TASP1: variants seen among roughly 807,000 people sequenced by gnomAD.
The protein encoded by TASP1 is threonine aspartase 1.
Under a neutral mutation model 56.6 loss-of-function variants are expected in TASP1, and 16 were observed. The ratio of observed to expected loss-of-function variants is 0.28; its 90% confidence interval spans 0.19 to 0.43. The LOEUF (loss-of-function observed/expected upper bound fraction) is 0.43, where lower values mean the gene tolerates loss of function less well. Ranked by LOEUF, TASP1 falls within the 20% of genes least tolerant of loss-of-function variation. The probability of loss-of-function intolerance (pLI) is 1.00; values close to 1 mark genes in which losing one functional copy is unlikely to be tolerated. For missense variants in TASP1, 393 were observed against 511.6 expected (o/e 0.77, Z 2.24); for synonymous variants, 179 against 184.2 (o/e 0.97, Z 0.23).
At chr20:13,199,238 T>A in the TASP1 span, among the ~76,000 whole-genome samples, 28 of 152,246 alleles carry the variant, frequency 1.8e-4, no homozygotes, top group African/African-American at 6.5e-4. Flanking sequence ...GTTTTGCCAT[T>A]AATTTTTACC....
At chr20:13,529,447 C>G (rs112134936) in intron 9 of TASP1, among the ~76,000 whole-genome samples, 3,957 of 152,112 alleles carry the variant, frequency 0.026, 72 homozygotes, top group Middle Eastern at 0.051. Context: ...GTGGCATGCT[C>G]AAGAGTTCAT....
At chr20:13,137,615 C>T in the TASP1 span, among the ~76,000 whole-genome samples, 2,833 of 152,200 alleles carry the variant, frequency 0.019, 54 homozygotes, top group South Asian at 0.03. Context: ...CTAAAGATGA[C>T]AATTTGGTTT....
the TASP1 span, among the ~76,000 whole-genome samples, chr20:13,162,149 G>A: frequency 6.6e-6 from 1 of 152,164 alleles, no homozygotes; most frequent in African/African-American, 2.4e-5. Flanking sequence ...AATAGGTTTA[G>A]AAAATACCCT....
chr20:13,489,514 G>C (rs1475085094), intron 10 of TASP1, among the ~76,000 whole-genome samples: 1 of 150,054 alleles, frequency 6.7e-6, no homozygotes, highest in Non-Finnish European at 1.5e-5. Flanking sequence ...CACTGAGTGG[G>C]AAAAATTAAA....
the TASP1 span, among the ~76,000 whole-genome samples, chr20:13,282,514 C>T: frequency 1.2e-4 from 18 of 152,168 alleles, no homozygotes; most frequent in African/African-American, 4.3e-4. Context: ...CTAGAATTTG[C>T]CCTGGGGCAG....
the TASP1 span, among the ~76,000 whole-genome samples, chr20:13,108,483 A>G: frequency 6.6e-6 from 1 of 152,242 alleles, no homozygotes; most frequent in Non-Finnish European, 1.5e-5. Flanking sequence ...ATTTGAGCCT[A>G]GACCAGTGAG....
intron 10 of TASP1, among the ~76,000 whole-genome samples, chr20:13,497,624 C>T (rs1601005279): frequency 6.6e-6 from 1 of 152,056 alleles, no homozygotes; most frequent in African/African-American, 2.4e-5. Flanking sequence ...TTGACACTAC[C>T]ATCAGAATAT....
chr20:13,568,179 G>A (rs181640669), intron 7 of TASP1, among the ~76,000 whole-genome samples: 10 of 151,834 alleles, frequency 6.6e-5, no homozygotes, highest in Admixed American at 1.3e-4. Context: ...ACAAGGTCTC[G>A]CTCTGTCACA....
At chr20:13,240,409 G>C in the TASP1 span, among the ~76,000 whole-genome samples, 1 of 152,162 alleles carries the variant, frequency 6.6e-6, no homozygotes, top group Middle Eastern at 3.2e-3. Flanking sequence ...TCCTGAGCTG[G>C]GGGAATAAAA....
chr20:13,409,921 C>T (rs2042042867), intron 13 of TASP1, among the ~76,000 whole-genome samples: 1 of 152,166 alleles, frequency 6.6e-6, no homozygotes, highest in African/African-American at 2.4e-5. Context: ...AATTAGAACT[C>T]ATACTTTCTA....
the TASP1 span, among the ~76,000 whole-genome samples, chr20:13,117,907 G>A: frequency 6.4e-4 from 98 of 152,244 alleles, no homozygotes; most frequent in Non-Finnish European, 1.1e-3. Flanking sequence ...GCTCTCCCTC[G>A]AATAGTGAAG....
At chr20:13,125,253 G>A in the TASP1 span, among the ~76,000 whole-genome samples, 2 of 152,176 alleles carry the variant, frequency 1.3e-5, 1 homozygote, top group South Asian at 4.1e-4. Context: ...CAGGAGTCAG[G>A]CATACAGGTG....
the TASP1 span, among the ~76,000 whole-genome samples, chr20:13,315,235 A>C: frequency 6.6e-6 from 1 of 152,090 alleles, no homozygotes; most frequent in African/African-American, 2.4e-5. Flanking sequence ...TAAATATACC[A>C]ATTGAAAAAC....
At chr20:13,614,993 G>A (rs76618124) in intron 4 of TASP1, 4,650 of 281,934 alleles carry the variant, frequency 0.016, 200 homozygotes, top group African/African-American at 0.094. Context: ...CAATAATATG[G>A]AAACATCACT....
chr20:13,417,353 A>C lies in TASP1; in HGVS notation c.1170+95T>G. 3 of 1,360,944 alleles carry C rather than the reference A, an allele frequency of 2.2e-6. No individual in the cohort carries two copies. The South Asian group carries it at 3.9e-5, about 18-fold the overall frequency. 84.3% of individuals were successfully genotyped at this position (1,360,944 alleles called of 1,614,324 possible). Reference sequence around the variant, plus strand: ...AAGACCACAAAGCTACTGCCCAAAAAAAGCTGAAAAAATTCATCCACATCA... The same window carrying C: ...AAGACCACAAAGCTACTGCCCAAAACAAGCTGAAAAAATTCATCCACATCA... On this transcript the variant is annotated intron_variant, in intron 13 of 13. Coordinates refer to ENST00000337743, the MANE Select transcript of TASP1 (RefSeq NM_017714.3).
chr20:13,587,779 G>A (rs566597931), intron 4 of TASP1, among the ~76,000 whole-genome samples: 2 of 151,806 alleles, frequency 1.3e-5, no homozygotes, highest in East Asian at 3.9e-4. Context: ...ACCCTTTCAT[G>A]AGAAAAACAG....
At chr20:13,220,796 A>T in the TASP1 span, among the ~76,000 whole-genome samples, 2 of 152,172 alleles carry the variant, frequency 1.3e-5, no homozygotes, top group African/African-American at 4.8e-5. Flanking sequence ...AGGCAGACGC[A>T]TGGCTTGTCC....
At chr20:13,144,908 G>A in the TASP1 span, among the ~76,000 whole-genome samples, 3 of 152,116 alleles carry the variant, frequency 2.0e-5, no homozygotes, top group Non-Finnish European at 4.4e-5. Context: ...CCAAGTAGCT[G>A]GGACTACAGG....
chr20:13,147,061 T>G, the TASP1 span, among the ~76,000 whole-genome samples: 1 of 151,996 alleles, frequency 6.6e-6, no homozygotes, highest in East Asian at 1.9e-4. Context: ...TGGTGGGAGG[T>G]GGAGGCAGGG....
Sources: gnomAD v4.1 joint callset for allele counts (sites outside exome capture counted in the v4.1 genomes callset) on GRCh38, gnomAD v4.1.1 for gene constraint, MANE v1.5 for transcripts, NCBI Gene and HGNC (gene_info 2026-07-23, HGNC 2026-07-21) for gene names.